Variants in DPH6 observed in about 807,000 individuals in gnomAD.
The protein encoded by DPH6 is diphthine--ammonia ligase.
DPH6 carries 33 observed loss-of-function variants against 38.2 expected under a neutral mutation model. The observed-to-expected ratio is 0.86, with a 90% CI of 0.65 to 1.15. DPH6 has a LOEUF of 1.15. Among genes scored for constraint, DPH6 ranks in the 50% most tolerant of loss-of-function variants. The probability of loss-of-function intolerance (pLI) is 0.00; values close to 1 mark genes in which losing one functional copy is unlikely to be tolerated. For synonymous variants in DPH6, 108 were observed against 103.0 expected (o/e 1.05, Z -0.30); for missense variants, 325 against 320.0 (o/e 1.02, Z -0.12).
At chr15:35,213,363 A>G (rs1207121042), downstream of DPH6, among the ~76,000 whole-genome samples, 3 of 152,274 alleles carry the variant, frequency 2.0e-5, no homozygotes, top group Non-Finnish European at 1.5e-5. Flanking sequence ...AATTAAGTCC[A>G]TAAATAAAGA....
intron 3 of DPH6, among the ~76,000 whole-genome samples, chr15:35,509,287 A>G (rs1182618773): frequency 1.3e-5 from 2 of 152,286 alleles, no homozygotes; most frequent in Non-Finnish European, 2.9e-5. Flanking sequence ...ATAAAATAAA[A>G]CCTAAATTTC....
At chr15:35,390,784 C>T (rs1051012647) in intron 6 of DPH6, among the ~76,000 whole-genome samples, 5 of 152,080 alleles carry the variant, frequency 3.3e-5, no homozygotes, top group Admixed American at 6.6e-5. Context: ...GCCATTGGTT[C>T]GAACTTCCTC....
the DPH6 span, among the ~76,000 whole-genome samples, chr15:35,158,281 T>C: frequency 6.6e-6 from 1 of 152,162 alleles, no homozygotes; most frequent in African/African-American, 2.4e-5. Flanking sequence ...TTGTTTTTTA[T>C]ATCTTGATTG....
intron 3 of DPH6, among the ~76,000 whole-genome samples, chr15:35,527,287 A>G (rs1377629120): frequency 6.6e-6 from 1 of 151,830 alleles, no homozygotes; most frequent in African/African-American, 2.4e-5. Context: ...ATATATTCTC[A>G]TTTGTTTTCA....
intron 1 of DPH6, among the ~76,000 whole-genome samples, chr15:35,544,729 A>T (rs1264435720): frequency 6.6e-6 from 1 of 152,190 alleles, no homozygotes; most frequent in Non-Finnish European, 1.5e-5. Flanking sequence ...TTTTTTAGCA[A>T]ACTTTTTTTA....
intron 2 of DPH6, among the ~76,000 whole-genome samples, chr15:35,539,838 T>A (rs947772338): frequency 2.0e-5 from 3 of 152,012 alleles, no homozygotes; most frequent in Non-Finnish European, 4.4e-5. Context: ...GCTACCCCAT[T>A]TTGGCTGACA....
intron 2 of DPH6, among the ~76,000 whole-genome samples, chr15:35,542,077 G>A (rs573636609): frequency 2.6e-5 from 4 of 152,054 alleles, no homozygotes; most frequent in African/African-American, 7.2e-5. Context: ...TACAGTACTT[G>A]GGAATGTGGT....
At chr15:35,357,321 T>C (rs1383135894) in intron 3 of DPH6, among the ~76,000 whole-genome samples, 1 of 152,242 alleles carries the variant, frequency 6.6e-6, no homozygotes, top group African/African-American at 2.4e-5. Context: ...CCCAGTGAGA[T>C]GAACCCGGTA....
intron 5 of DPH6, among the ~76,000 whole-genome samples, chr15:35,434,502 T>C (rs2053671744): frequency 6.6e-6 from 1 of 152,150 alleles, no homozygotes. Flanking sequence ...TAATTGATTA[T>C]ATCAGTAAAA....
intron 3 of DPH6, among the ~76,000 whole-genome samples, chr15:35,478,794 A>G (rs2054293225): frequency 6.6e-6 from 1 of 152,044 alleles, no homozygotes; most frequent in African/African-American, 2.4e-5. Flanking sequence ...TGATTATTTT[A>G]ATAAGAGGAT....
intron 4 of DPH6, among the ~76,000 whole-genome samples, chr15:35,452,258 G>T (rs550537144): frequency 1.1e-3 from 174 of 152,240 alleles, no homozygotes; most frequent in Non-Finnish European, 2.1e-3. Flanking sequence ...ATTGTTTAAT[G>T]AATTAAAGGT....
intron 3 of DPH6, among the ~76,000 whole-genome samples, chr15:35,268,030 C>T (rs1299072244): frequency 1.3e-5 from 2 of 151,848 alleles, no homozygotes; most frequent in African/African-American, 2.4e-5. Flanking sequence ...ATTAGCCGGG[C>T]GTGGTGGCAG....
chr15:35,417,377 AGAT>A (rs1012080073), intron 5 of DPH6, among the ~76,000 whole-genome samples: 1 of 135,546 alleles, frequency 7.4e-6, no homozygotes, highest in Non-Finnish European at 1.6e-5. Context: ...TTTTCTAACT[AGAT>A]GATAACACAC....
At chr15:35,400,914 G>C in intron 6 of DPH6, 2 of 1,021,932 alleles carry the variant, frequency 2.0e-6, no homozygotes, top group Non-Finnish European at 3.1e-6. Context: ...TGAATGCAAG[G>C]CCACACAAGG....
intron 5 of DPH6, among the ~76,000 whole-genome samples, chr15:35,413,013 T>C (rs373505103): frequency 7.6e-5 from 10 of 131,740 alleles, no homozygotes; most frequent in Non-Finnish European, 1.6e-4. Context: ...CATTGTAAGT[T>C]CAACAATTTT....
rs78622168 is a variant in DPH6 at position 35,496,039 on chromosome 15, A to G, written c.313-41219T>C. On this transcript the variant is annotated intron_variant, in intron 3 of 8. Coordinates refer to ENST00000256538, the MANE Select transcript of DPH6 (RefSeq NM_080650.4). ...TTACTCTTAGCTCACATCATACACA[A>G]ATCAATTTCAAGTATATATCAAATG... Among the ~76,000 whole-genome samples, 502 of 152,308 alleles carry G rather than the reference A, an allele frequency of 3.3e-3. 8 individuals are homozygous for G. The highest frequency in any genetic ancestry group is 0.011 in the African/African-American group (472 of 41,568).
intron 3 of DPH6, among the ~76,000 whole-genome samples, chr15:35,486,776 A>C (rs1248202535): frequency 2.6e-5 from 4 of 152,172 alleles, no homozygotes; most frequent in African/African-American, 9.7e-5. Context: ...ATTAACCCAA[A>C]ATTAAACCAG....
chr15:35,165,063 A>G, the DPH6 span, among the ~76,000 whole-genome samples: 1 of 151,868 alleles, frequency 6.6e-6, no homozygotes, highest in Non-Finnish European at 1.5e-5. Context: ...AACCATGGGT[A>G]AAAGATTGGA....
At chr15:35,151,214 A>G in the DPH6 span, among the ~76,000 whole-genome samples, 5 of 152,290 alleles carry the variant, frequency 3.3e-5, 1 homozygote, top group Middle Eastern at 6.8e-3. Flanking sequence ...TTTTTCTTTT[A>G]GCTTAAATTA....
Sources: allele counts gnomAD v4.1 joint callset (sites outside exome capture counted in the v4.1 genomes callset), GRCh38; gene constraint gnomAD v4.1.1; transcripts MANE v1.5; gene names NCBI Gene and HGNC (gene_info 2026-07-23, HGNC 2026-07-21).